Variants in LPCAT1 observed in about 807,000 individuals in gnomAD.
LPCAT1 encodes the protein 1-acylglycerol-3-phosphate O-acyltransferase.
A neutral mutation model predicts 60.9 loss-of-function variants in LPCAT1; 23 were observed. The observed-to-expected ratio is 0.38, with a 90% CI of 0.27 to 0.53. The LOEUF is 0.53. Among genes scored for constraint, LPCAT1 ranks in the 20% least tolerant of loss-of-function variants. The pLI is 0.82. For synonymous variants in LPCAT1, 340 were observed against 301.1 expected (o/e 1.13, Z -1.34); for missense variants, 622 against 723.6 (o/e 0.86, Z 1.61).
intron 8 of LPCAT1, among the ~76,000 whole-genome samples, chr5:1,478,073 G>A (rs1376590929): frequency 2.0e-5 from 3 of 152,268 alleles, no homozygotes; most frequent in Non-Finnish European, 4.4e-5. Context: ...TTTTGTAATG[G>A]GGATAATGCA....
At chr5:1,484,341 CTG>C (rs1198424162) in intron 5 of LPCAT1, among the ~76,000 whole-genome samples, 2 of 152,266 alleles carry the variant, frequency 1.3e-5, no homozygotes, top group Non-Finnish European at 2.9e-5. Context: ...ACCATGGACT[CTG>C]TGGATGATTG....
Position 1,474,262 on chromosome 5 carries a change from C to T in LPCAT1, c.1026-152G>A, listed in dbSNP as rs552463556. ...AAGGCATTCTCCTAATTGGAAGGTGCGAGATGTGTTCTGTCCAAGTGTCAA... is the reference window on the plus strand; with the variant it reads ...AAGGCATTCTCCTAATTGGAAGGTGTGAGATGTGTTCTGTCCAAGTGTCAA... On this transcript the variant is annotated intron_variant, in intron 10 of 13. Transcript: ENST00000283415. 11 of 953,338 alleles carry T rather than the reference C, an allele frequency of 1.2e-5. 1 individual carries two copies. Among genetic ancestry groups the T allele is most frequent in the Middle Eastern group, 2.7e-4 (1 of 3,684 alleles). The allele number at this position is 953,338 out of a possible 1,614,324, so 59.1% of individuals were successfully genotyped here.
chr5:1,520,876 A>AAG lies in LPCAT1; in HGVS notation c.135+2833_135+2834insCT, dbSNP rs1554000965. Among the ~76,000 whole-genome samples, 501 of 149,420 alleles carry AAG rather than the reference A, an allele frequency of 3.4e-3. 6 individuals carry two copies. Among genetic ancestry groups the AAG allele is most frequent in the African/African-American group, 0.012 (472 of 39,852 alleles). ...AGACTGTCTCAAAAAAAAAAAAAAA[A>AAG]AAAGAAAAAGAAAAAGAAAAAAAAA... On this transcript the variant is annotated intron_variant, in intron 1 of 13. Transcript: ENST00000283415.
At chr5:1,513,447 TCG>T (rs1185922722) in intron 1 of LPCAT1, among the ~76,000 whole-genome samples, 4 of 152,162 alleles carry the variant, frequency 2.6e-5, no homozygotes, top group African/African-American at 9.7e-5. Context: ...CGGCAGGTGC[TCG>T]CAAGAAGAAT....
chr5:1,521,251 G>T lies in LPCAT1; in HGVS notation c.135+2459C>A, dbSNP rs1158636260. 2 of 788,902 alleles carry T rather than the reference G, an allele frequency of 2.5e-6. No individual in the cohort carries two copies. Among genetic ancestry groups the T allele is most frequent in the Non-Finnish European group, 1.5e-6 (1 of 650,976 alleles). The allele number at this position is 788,902 out of a possible 1,614,324, so 48.9% of individuals were successfully genotyped here. The stretch of plus-strand genomic sequence containing the variant: ...CTGTAGTTAAATGACAGATGGGCTG[G>T]CTGGAGGAGGAGGTGTCCCCGCATG... On this transcript the variant is annotated intron_variant, in intron 1 of 13. Transcript: ENST00000283415. The surrounding 1 kb of genome is among the most constrained non-coding windows in gnomAD (Gnocchi z 4.3).
Position 1,483,319 on chromosome 5 carries a change from G to T in LPCAT1, c.726+109C>A. On this transcript the variant is annotated intron_variant, in intron 6 of 13. Transcript: ENST00000283415. The surrounding 1 kb of genome is among the most constrained non-coding windows in gnomAD (Gnocchi z 9.2). ...AGCATGGCCAAGTGTGGGCTGTGGC[G>T]CAGATAAAGGGTGTGGAGAGACAGA... The T allele has an allele frequency of 2.5e-6, 3 of 1,186,012 alleles. No individual in the cohort carries two copies. The highest frequency in any genetic ancestry group is 1.2e-5 in the South Asian group (1 of 81,544). The allele number at this position is 1,186,012 out of a possible 1,614,324, so 73.5% of individuals were successfully genotyped here. A position where few individuals can be genotyped will look rare whatever the true frequency, so the allele number is the denominator to read the frequency against.
chr5:1,462,415 G>A lies in LPCAT1; in HGVS notation c.*1236C>T, dbSNP rs1006662838. ...CCCCTCTGCCTTTGACTCTAAGATG[G>A]GGCAGGACCCCCGCTCTCAGTGGGA... is the stretch of plus-strand genomic sequence containing the variant. On this transcript the variant is annotated 3_prime_UTR_variant, in exon 14 of 14. Transcript: ENST00000283415. 2.0e-5 allele frequency: 3 copies of A among 152,394 alleles called. No homozygotes were observed. Among genetic ancestry groups the A allele is most frequent in the Non-Finnish European group, 4.4e-5 (3 of 68,038 alleles). The allele number at this position is 152,394 out of a possible 1,614,324, so 9.4% of individuals were successfully genotyped here.
chr5:1,501,693 C>A lies in LPCAT1; in HGVS notation c.136-90G>T, dbSNP rs1037518050. 3.7e-5 allele frequency: 50 copies of A among 1,338,370 alleles called. No homozygotes were observed. In the African/African-American group the frequency reaches 6.5e-4, roughly 17 times the overall value. 82.9% of individuals were successfully genotyped at this position (1,338,370 alleles called of 1,614,324 possible). A position where few individuals can be genotyped will look rare whatever the true frequency, so the allele number is the denominator to read the frequency against. ...CAGAGGCTAGCCCAGGGGGACAGCG[C>A]GCCCCACAGAGTGGAGAGCTGGGGA... On this transcript the variant is annotated intron_variant, in intron 1 of 13. Coordinates refer to ENST00000283415, the MANE Select transcript of LPCAT1 (RefSeq NM_024830.5).
rs28407402 is a variant in LPCAT1, at chr5:1,470,024, G to A, written c.1278+802C>T. 2.1e-3 allele frequency among the ~76,000 whole-genome samples: 313 copies of A among 152,382 alleles called. 3 individuals carry two copies. Among genetic ancestry groups the A allele is most frequent in the African/African-American group, 7.1e-3 (296 of 41,594 alleles). On this transcript the variant is annotated intron_variant, in intron 12 of 13. Transcript: ENST00000283415. Reference sequence around the variant, plus strand: ...TGGGGACATTCCCCAGTGTTGCTATGGAGAGGGTGTGCTGGCATCAGAAGC... The same window carrying A: ...TGGGGACATTCCCCAGTGTTGCTATAGAGAGGGTGTGCTGGCATCAGAAGC...
Position 1,501,493 on chromosome 5 carries a change from C to G in LPCAT1, c.246G>C (p.Lys82Asn), listed in dbSNP as rs1736004980. ...ALVASLGSAE[K>N]EPEQPPALWR... The stretch of plus-strand genomic sequence containing the variant: ...ACAGGGCCGGGGGCTGCTCGGGTTC[C>G]TTCTCCGCAGAGCCCAGGGATGCGA... The change falls in exon 2 of 14, where the codon AAG becomes AAC. Residue 82 changes from lysine (K) to asparagine (N), a missense_variant. By Grantham distance (94) the Lys-to-Asn change is moderately conservative. Around this residue, in one of 3 missense-constraint regions of LPCAT1, gnomAD observed 125 missense variants for 114.5 expected, o/e 1.09. Coordinates refer to ENST00000283415, the MANE Select transcript of LPCAT1 (RefSeq NM_024830.5). 1 of 1,613,568 alleles carries G rather than the reference C, an allele frequency of 6.2e-7. No homozygotes were observed. Among genetic ancestry groups the G allele is most frequent in the South Asian group, 1.1e-5 (1 of 91,076 alleles).
Position 1,523,036 on chromosome 5 carries a change from G to A in LPCAT1, c.135+674C>T, listed in dbSNP as rs147532641. On this transcript the variant is annotated intron_variant, in intron 1 of 13. Coordinates refer to ENST00000283415, the MANE Select transcript of LPCAT1 (RefSeq NM_024830.5). This position sits in a 1 kb window ranked among gnomAD's most constrained non-coding sequence, Gnocchi z 7.1. ...CATAAAGTTGATTCGGGTCAGACCA[G>A]CCCCGAGAAAGCATCCCTTACAACA... 2.6e-4 allele frequency among the ~76,000 whole-genome samples: 39 copies of A among 152,362 alleles called. 1 individual carries two copies. The East Asian group carries it at 5.0e-3, about 20-fold the overall frequency.
At chr5:1,519,319 A>T (rs1173142483) in intron 1 of LPCAT1, among the ~76,000 whole-genome samples, 1 of 152,242 alleles carries the variant, frequency 6.6e-6, no homozygotes, top group Non-Finnish European at 1.5e-5. Flanking sequence ...GTATATGTGT[A>T]TGCATGTGTG....
At position 1,521,833 on chromosome 5, in the gene LPCAT1, A is replaced by G. The variant is rs978226547; in HGVS notation, c.135+1877T>C. On this transcript the variant is annotated intron_variant, in intron 1 of 13. Coordinates refer to ENST00000283415, the MANE Select transcript of LPCAT1 (RefSeq NM_024830.5). The surrounding 1 kb of genome is among the most constrained non-coding windows in gnomAD (Gnocchi z 4.3). ...GCCACTGGGAGCAGCTTGCACCCTG[A>G]GGTCTCGGGGAGGAAAGCAGGCCCC... Among the ~76,000 whole-genome samples, 1 of 152,206 alleles carries G rather than the reference A, an allele frequency of 6.6e-6. No individual in the cohort carries two copies. Among genetic ancestry groups the G allele is most frequent in the Non-Finnish European group, 1.5e-5 (1 of 68,040 alleles).
intron 3 of LPCAT1, among the ~76,000 whole-genome samples, chr5:1,490,698 C>A (rs1735544493): frequency 6.6e-6 from 1 of 152,248 alleles, no homozygotes; most frequent in East Asian, 1.9e-4. Context: ...ACAAGGGACA[C>A]CCCGCCATGA....
rs770936029 is a variant in LPCAT1 at position 1,495,172 on chromosome 5, G to A, written c.279-258C>T. 7.2e-5 allele frequency among the ~76,000 whole-genome samples: 11 copies of A among 152,344 alleles called. No individual in the cohort carries two copies. Among genetic ancestry groups the A allele is most frequent in the African/African-American group, 9.6e-5 (4 of 41,588 alleles). ...CCTGTGTGGTGGTCACGGGCCACGC[G>A]GCAGGCAGTGCTAAGACAACATGAG... On this transcript the variant is annotated intron_variant, in intron 2 of 13. Coordinates refer to ENST00000283415, the MANE Select transcript of LPCAT1 (RefSeq NM_024830.5). The surrounding 1 kb of genome is among the most constrained non-coding windows in gnomAD (Gnocchi z 4.7).
In LPCAT1 at chr5:1,471,069, A is replaced by T. The variant is rs2081510406; in HGVS notation, c.1180-145T>A. 3 of 653,084 alleles carry T rather than the reference A, an allele frequency of 4.6e-6. No homozygotes were observed. The Admixed American group carries it at 8.6e-5, about 19-fold the overall frequency. The allele number at this position is 653,084 out of a possible 1,614,324, so 40.5% of individuals were successfully genotyped here. A position where few individuals can be genotyped will look rare whatever the true frequency, so the allele number is the denominator to read the frequency against. On this transcript the variant is annotated intron_variant, in intron 11 of 13. Transcript: ENST00000283415. ...TGCCCATGTGAAAAGGGAATCTTGGAAGGACATTCCACCAAGTGGGTTCTC... is the reference window on the plus strand; with the variant it reads ...TGCCCATGTGAAAAGGGAATCTTGGTAGGACATTCCACCAAGTGGGTTCTC...
chr5:1,510,360 G>A (rs879704011), intron 1 of LPCAT1, among the ~76,000 whole-genome samples: 3 of 152,114 alleles, frequency 2.0e-5, no homozygotes, highest in African/African-American at 4.8e-5. Context: ...GCCTCCCGCC[G>A]CTGTCATCTC....
At chr5:1,515,385 C>T (rs1038588186) in intron 1 of LPCAT1, among the ~76,000 whole-genome samples, 5 of 151,840 alleles carry the variant, frequency 3.3e-5, no homozygotes, top group Non-Finnish European at 2.9e-5. Context: ...CCCTCAAAAG[C>T]TGCAGGAGCC....
At chr5:1,467,598 T>C (rs1324076061) in intron 12 of LPCAT1, among the ~76,000 whole-genome samples, 2 of 152,148 alleles carry the variant, frequency 1.3e-5, no homozygotes, top group East Asian at 3.9e-4. Context: ...ACAGACTCTG[T>C]GCCCTGGAGA....
Sources: gnomAD v4.1 joint callset for allele counts (sites outside exome capture counted in the v4.1 genomes callset) on GRCh38, gnomAD v4.1.1 for gene constraint, gnomAD v4.1.1 regional missense constraint, Gnocchi (gnomAD v3.1) non-coding constraint, MANE v1.5 for transcripts, NCBI Gene and HGNC (gene_info 2026-07-23, HGNC 2026-07-21) for gene names.